Variants in KYNU observed in about 807,000 individuals in gnomAD.
KYNU encodes the protein kynureninase, also known as L-kynurenine hydrolase.
A neutral mutation model predicts 59.2 loss-of-function variants in KYNU; 54 were observed. That is an observed-to-expected ratio of 0.91 (90% CI 0.73 to 1.14). The LOEUF is 1.14. Among genes scored for constraint, KYNU ranks in the 50% most tolerant of loss-of-function variants. The pLI, the probability that KYNU is intolerant of heterozygous loss-of-function variation, is 0.00. For synonymous variants in KYNU, 177 were observed against 192.0 expected, an observed-to-expected ratio of 0.92 and a Z score of 0.65; for missense variants, 567 against 554.4, an observed-to-expected ratio of 1.02 and a Z score of -0.23.
At chr2:142,918,131 A>C (rs1213258011) in intron 2 of KYNU, among the ~76,000 whole-genome samples, 2 of 152,202 alleles carry the variant, frequency 1.3e-5, no homozygotes, top group Non-Finnish European at 2.9e-5. Context: ...AATGAAAAAA[A>C]CCGCATAAAT....
At chr2:142,962,554 C>T (rs1684386819) in intron 8 of KYNU, among the ~76,000 whole-genome samples, 1 of 152,168 alleles carries the variant, frequency 6.6e-6, no homozygotes, top group Non-Finnish European at 1.5e-5. Flanking sequence ...AAGTAAATCT[C>T]ATACTTAAGT....
chr2:143,014,622 G>A (rs1482581697), intron 10 of KYNU, among the ~76,000 whole-genome samples: 1 of 152,104 alleles, frequency 6.6e-6, no homozygotes, highest in Non-Finnish European at 1.5e-5. Context: ...TGCACCGTTT[G>A]GTGTTCTCCA....
At chr2:142,928,651 A>T (rs1683115384) in intron 4 of KYNU, among the ~76,000 whole-genome samples, 1 of 152,142 alleles carries the variant, frequency 6.6e-6, no homozygotes, top group African/African-American at 2.4e-5. Flanking sequence ...TATCTTGTTT[A>T]TTTAAAAAGT....
At chr2:142,925,820 C>T (rs1208947641) in intron 3 of KYNU, among the ~76,000 whole-genome samples, 1 of 152,158 alleles carries the variant, frequency 6.6e-6, no homozygotes, top group Non-Finnish European at 1.5e-5. Flanking sequence ...CCACCAGCAC[C>T]AGTTTACTGA....
At chr2:142,890,868 A>C (rs566946910) in intron 2 of KYNU, among the ~76,000 whole-genome samples, 30 of 152,296 alleles carry the variant, frequency 2.0e-4, no homozygotes, top group African/African-American at 7.2e-4. Flanking sequence ...CAACCGTTGG[A>C]GATAGTTTTC....
chr2:143,014,701 C>A (rs1169106536), intron 10 of KYNU, among the ~76,000 whole-genome samples: 3 of 152,124 alleles, frequency 2.0e-5, no homozygotes, highest in Non-Finnish European at 4.4e-5. Context: ...TTACGGGAGA[C>A]CATTTATAAA....
intron 4 of KYNU, among the ~76,000 whole-genome samples, chr2:142,950,976 A>G (rs566654314): frequency 7.9e-5 from 12 of 152,256 alleles, no homozygotes; most frequent in Non-Finnish European, 1.6e-4. Flanking sequence ...GAAGTGGGAG[A>G]GAAATGGGGG....
intron 10 of KYNU, among the ~76,000 whole-genome samples, chr2:142,999,443 C>G (rs372003817): frequency 6.6e-6 from 1 of 152,004 alleles, no homozygotes; most frequent in South Asian, 2.1e-4. Flanking sequence ...CTAAAAGAAC[C>G]TAAGTGGAAG....
rs10528472 is a variant in KYNU at position 143,042,583 on chromosome 2, GATATATATATAT to G, written c.*448_*459del. The G allele has an allele frequency of 0.013, 1,712 of 136,304 alleles. 17 individuals carry two copies. The highest frequency in any genetic ancestry group is 0.026 in the African/African-American group (861 of 32,840). 8.4% of individuals were successfully genotyped at this position (136,304 alleles called of 1,614,324 possible). ...GAGTTTCTTTGAAGCATTGTAGTCTGATATATATATATATATATATATATATATATATATATA... is the reference window on the plus strand; with the variant it reads ...GAGTTTCTTTGAAGCATTGTAGTCTGATATATATATATATATATATATATA... On this transcript the variant is annotated 3_prime_UTR_variant, in exon 14 of 14. Coordinates refer to ENST00000264170, the MANE Select transcript of KYNU (RefSeq NM_003937.3).
intron 2 of KYNU, among the ~76,000 whole-genome samples, chr2:142,895,505 C>T (rs978725610): frequency 7.9e-5 from 12 of 152,160 alleles, no homozygotes; most frequent in Admixed American, 3.3e-4. Context: ...GAATGGACTA[C>T]AGTAGTTTAT....
Position 143,051,156 on chromosome 2 carries a change from T to G in KYNU, c.*8984T>G, listed in dbSNP as rs1687259515. On this transcript the variant is annotated 3_prime_UTR_variant, in exon 14 of 14. Coordinates refer to ENST00000264170, the MANE Select transcript of KYNU (RefSeq NM_003937.3). The stretch of plus-strand genomic sequence containing the variant: ...TGGTTTTGGTTTATTGCAGTAATTG[T>G]TTTGACTAATTCTCTAGTTTTTCAA... The G allele has an allele frequency of 6.6e-6, 1 of 152,208 alleles. No homozygotes were observed. Among genetic ancestry groups the G allele is most frequent in the Non-Finnish European group, 1.5e-5 (1 of 68,036 alleles). 9.4% of individuals were successfully genotyped at this position (152,208 alleles called of 1,614,324 possible).
chr2:142,891,825 C>T (rs1681722123), intron 2 of KYNU, among the ~76,000 whole-genome samples: 1 of 152,032 alleles, frequency 6.6e-6, no homozygotes, highest in Middle Eastern at 3.2e-3. Flanking sequence ...GTATTTATAA[C>T]TGTAATTTTG....
intron 8 of KYNU, among the ~76,000 whole-genome samples, chr2:142,972,353 C>A (rs1488002789): frequency 1.3e-5 from 2 of 152,108 alleles, no homozygotes; most frequent in Non-Finnish European, 2.9e-5. Context: ...CAATTCACAC[C>A]TTTCCCTTAA....
intron 3 of KYNU, among the ~76,000 whole-genome samples, chr2:142,926,175 T>C (rs563137981): frequency 2.6e-5 from 4 of 152,020 alleles, no homozygotes; most frequent in Non-Finnish European, 5.9e-5. Context: ...AAATACCTAA[T>C]GTAGGTGACG....
chr2:142,926,631 T>C (rs1017911349), intron 3 of KYNU, among the ~76,000 whole-genome samples: 7 of 152,168 alleles, frequency 4.6e-5, no homozygotes, highest in Non-Finnish European at 7.3e-5. Flanking sequence ...CACCAGTGCG[T>C]AGATCGCATC....
At chr2:143,023,041 C>G (rs1378203476) in intron 10 of KYNU, among the ~76,000 whole-genome samples, 1 of 151,808 alleles carries the variant, frequency 6.6e-6, no homozygotes, top group African/African-American at 2.4e-5. Flanking sequence ...TTTTATAACA[C>G]TTTTTAGTCT....
Position 142,971,836 on chromosome 2 carries a change from T to C in KYNU, c.729+11066T>C, listed in dbSNP as rs192485242. 2.2e-4 allele frequency among the ~76,000 whole-genome samples: 33 copies of C among 152,328 alleles called. 1 individual carries two copies. The East Asian group carries it at 2.3e-3, about 11-fold the overall frequency. On this transcript the variant is annotated intron_variant, in intron 8 of 13. Coordinates refer to ENST00000264170, the MANE Select transcript of KYNU (RefSeq NM_003937.3). ...TCAGAAGCTTCTACAGAATAACTTATAATGGTTAATTAGTCTAAAAAATCA... is the reference window on the plus strand; with the variant it reads ...TCAGAAGCTTCTACAGAATAACTTACAATGGTTAATTAGTCTAAAAAATCA...
Position 142,988,824 on chromosome 2 carries a change from A to G in KYNU, c.902+2803A>G, listed in dbSNP as rs113112031. ...CTCTATTCTGTACCAAGTATCTTAT[A>G]TTGTACTTCATTTGCATTAGGAGAT... is the stretch of plus-strand genomic sequence containing the variant. On this transcript the variant is annotated intron_variant, in intron 10 of 13. Transcript: ENST00000264170. The G allele has an allele frequency of 3.2e-4, 499 of 1,558,258 alleles. 5 individuals are homozygous for G. In the African/African-American group the frequency reaches 6.0e-3, roughly 19 times the overall value.
chr2:142,894,096 C>T (rs1681795299), intron 2 of KYNU, among the ~76,000 whole-genome samples: 1 of 152,168 alleles, frequency 6.6e-6, no homozygotes, highest in Admixed American at 6.5e-5. Flanking sequence ...TGGAAAATCT[C>T]TTTTGAAATC....
Sources: gnomAD v4.1 joint callset for allele counts (sites outside exome capture counted in the v4.1 genomes callset) on GRCh38, gnomAD v4.1.1 for gene constraint, MANE v1.5 for transcripts, NCBI Gene and HGNC (gene_info 2026-07-23, HGNC 2026-07-21) for gene names.